Variants in OVCH2 observed in about 807,000 individuals in gnomAD.
OVCH2 encodes ovochymase 2.
A neutral mutation model predicts 73.7 loss-of-function variants in OVCH2; 88 were observed. That is an observed-to-expected ratio of 1.19 (90% CI 1.01 to 1.43). The LOEUF is 1.43. Ranked by LOEUF, OVCH2 falls within the 40% of genes most tolerant of loss-of-function variation. The pLI is 0.00. For missense variants in OVCH2, 706 were observed against 674.5 expected (o/e 1.05, Z -0.52); for synonymous variants, 265 against 234.5 (o/e 1.13, Z -1.19).
chr11:7,696,512 C>A lies in OVCH2; in HGVS notation c.1094G>T (p.Cys365Phe). 1 of 1,613,974 alleles carries A rather than the reference C, an allele frequency of 6.2e-7. No homozygotes were observed. The highest frequency in any genetic ancestry group is 1.7e-5 in the Admixed American group (1 of 60,016). Residue 365 changes from cysteine to phenylalanine, a missense_variant, in exon 10 of 16, where the codon TGT becomes TTT. Coordinates refer to ENST00000533663, the MANE Select transcript of OVCH2 (RefSeq NM_198185.7). ...LSFSHLDVES[C>F]HHSYLSMYSL... The stretch of plus-strand genomic sequence containing the variant: ...ATACATTGACAGGTAACTGTGGTGA[C>A]AAGACTCAACATCTAGGTGGGAAAA...
At chr11:7,698,899 T>A in intron 7 of OVCH2, 126 bp from the exon 8 acceptor site, 2 of 977,772 alleles carry the variant, frequency 2.0e-6, no homozygotes, top group Non-Finnish European at 3.0e-6. Flanking sequence ...AAATCTTATC[T>A]GTGGAAAGAA....
At chr11:7,690,078 G>C in intron 14 of OVCH2, 65 bp from the exon 15 acceptor site, 2 of 1,167,170 alleles carry the variant, frequency 1.7e-6, no homozygotes, top group Non-Finnish European at 2.4e-6. Context: ...AGATTTATCA[G>C]AAAATGATTT....
rs1190762093 is a variant in OVCH2, at chr11:7,689,996, T to A, written c.1657A>T (p.Ile553Phe). 1.3e-6 allele frequency: 2 copies of A among 1,523,332 alleles called. No homozygotes were observed. The highest frequency in any genetic ancestry group is 2.4e-5 in the South Asian group (2 of 83,838). 94.4% of individuals were successfully genotyped at this position (1,523,332 alleles called of 1,614,324 possible). The change falls in exon 15 of 16, where the codon ATC (isoleucine) becomes TTC (phenylalanine). Residue 553 changes from isoleucine to phenylalanine, a missense_variant. Ile to Phe is a conservative substitution (Grantham distance 21, BLOSUM62 0). Transcript: ENST00000533663. ...ATTGATTCATCCTCTGATATGGAGA[T>A]GTTTAAATCTGGGTATACTGGGTAT... ...IPKAVYPDLNISISEDESMFL... is the reference protein window; with the variant it reads ...IPKAVYPDLNFSISEDESMFL...
Position 7,691,024 on chromosome 11 carries a change from A to G in OVCH2, c.1639+245T>C, listed in dbSNP as rs117916128. On this transcript the variant is annotated intron_variant, in intron 14 of 15. Transcript: ENST00000533663. ...AAATAACATATCTTTAAACAGAAACACACATAAAACAAGTTTATGTACTGA... is the reference window on the plus strand; with the variant it reads ...AAATAACATATCTTTAAACAGAAACGCACATAAAACAAGTTTATGTACTGA... Among the ~76,000 whole-genome samples, 982 of 152,332 alleles carry G rather than the reference A, an allele frequency of 6.4e-3. 12 individuals are homozygous for G. The highest frequency in any genetic ancestry group is 0.011 in the Non-Finnish European group (762 of 68,018).
chr11:7,694,629 T>TTTC (rs1289662229), intron 12 of OVCH2, among the ~76,000 whole-genome samples: 1 of 25,788 alleles, frequency 3.9e-5, no homozygotes, highest in Non-Finnish European at 8.4e-5. Flanking sequence ...TTTGTTTTGT[T>TTTC]TTGTGTTTTG....
At chr11:7,686,801 T>C (rs974257494), downstream of OVCH2, among the ~76,000 whole-genome samples, 1 of 152,166 alleles carries the variant, frequency 6.6e-6, no homozygotes, top group Non-Finnish European at 1.5e-5. Flanking sequence ...TTGTCTATAG[T>C]GTATCCCTGA....
chr11:7,679,284 GATA>G, the OVCH2 span, among the ~76,000 whole-genome samples: 1 of 152,220 alleles, frequency 6.6e-6, no homozygotes, highest in African/African-American at 2.4e-5. Flanking sequence ...CTTTTTGTAT[GATA>G]ATGAGTTGAC....
intron 8 of OVCH2, among the ~76,000 whole-genome samples, chr11:7,697,564 C>G (rs1856360875): frequency 1.3e-5 from 2 of 152,166 alleles, no homozygotes; most frequent in Admixed American, 1.3e-4. Context: ...AATAGAATTC[C>G]TTGGGTCAGC....
At chr11:7,698,865 T>C in intron 7 of OVCH2, 92 bp from the exon 8 acceptor site, 1 of 1,369,160 alleles carries the variant, frequency 7.3e-7, no homozygotes, top group Non-Finnish European at 1.0e-6. Context: ...ACAAGAGATT[T>C]TTAAGTCAAT....
At chr11:7,691,853 C>G in intron 13 of OVCH2, 49 bp downstream of exon 13, 2 of 1,423,044 alleles carry the variant, frequency 1.4e-6, no homozygotes, top group South Asian at 2.5e-5. Context: ...CATCTCAAGA[C>G]TGGGTCCAAA....
chr11:7,696,846 C>T, intron 8 of OVCH2, 47 bp from the exon 9 acceptor site: 1 of 1,536,738 alleles, frequency 6.5e-7, no homozygotes, highest in Non-Finnish European at 8.8e-7. Context: ...GCCAGTTAAC[C>T]ACAGCAGCCC....
intron 6 of OVCH2, 118 bp downstream of exon 6, chr11:7,701,206 A>T (rs1269337742): frequency 3.1e-6 from 4 of 1,274,746 alleles, no homozygotes; most frequent in Non-Finnish European, 4.2e-6. Context: ...TCTTTATTCT[A>T]CCCCTCCAAT....
At chr11:7,687,505 CCTTT>C (rs978126202), downstream of OVCH2, among the ~76,000 whole-genome samples, 2 of 152,044 alleles carry the variant, frequency 1.3e-5, no homozygotes, top group Non-Finnish European at 2.9e-5. Flanking sequence ...CACTTGGGGA[CCTTT>C]CTTTATGAAA....
chr11:7,700,263 C>T, intron 7 of OVCH2, 33 bp downstream of exon 7: 1 of 1,602,498 alleles, frequency 6.2e-7, no homozygotes, highest in African/African-American at 1.3e-5. Flanking sequence ...AGCAGAATGG[C>T]AGCTTCTTAA....
the OVCH2 span, among the ~76,000 whole-genome samples, chr11:7,679,324 T>A: frequency 6.6e-6 from 1 of 152,228 alleles, no homozygotes; most frequent in Admixed American, 6.5e-5. Context: ...CTGAATAGCC[T>A]CCTGATGGGT....
chr11:7,698,777 G>C lies in OVCH2; in HGVS notation c.902-4C>G. ...CTGGAGCTCTTTCTCCGATTACCTGGGAAAGGAAAAGAAGGATGCAATTGA... is the reference window on the plus strand; with the variant it reads ...CTGGAGCTCTTTCTCCGATTACCTGCGAAAGGAAAAGAAGGATGCAATTGA... On this transcript the variant is annotated splice_polypyrimidine_tract_variant and splice_region_variant and intron_variant, in intron 7 of 15. Coordinates refer to ENST00000533663, the MANE Select transcript of OVCH2 (RefSeq NM_198185.7). 1 of 1,612,704 alleles carries C rather than the reference G, an allele frequency of 6.2e-7. No individual in the cohort carries two copies. Among genetic ancestry groups the C allele is most frequent in the Non-Finnish European group, 8.5e-7 (1 of 1,179,482 alleles).
the OVCH2 span, among the ~76,000 whole-genome samples, chr11:7,682,982 A>G: frequency 3.3e-5 from 5 of 152,186 alleles, no homozygotes; most frequent in Admixed American, 3.3e-4. Flanking sequence ...TCACATTGCT[A>G]AATTTAATGT....
At chr11:7,686,113 C>T (rs10839841), downstream of OVCH2, among the ~76,000 whole-genome samples, 6,828 of 152,206 alleles carry the variant, frequency 0.045, 316 homozygotes, top group African/African-American at 0.11. Context: ...ATACTTACAC[C>T]GAATATACCC....
At chr11:7,695,293 T>C in intron 11 of OVCH2, 105 bp from the exon 12 acceptor site, 2 of 1,318,812 alleles carry the variant, frequency 1.5e-6, no homozygotes, top group Non-Finnish European at 2.0e-6. Context: ...CAATTGCATT[T>C]TCAGACACTG....
Sources: gnomAD v4.1 joint callset for allele counts (sites outside exome capture counted in the v4.1 genomes callset) on GRCh38, gnomAD v4.1.1 for gene constraint, MANE v1.5 for transcripts, NCBI Gene and HGNC (gene_info 2026-07-23, HGNC 2026-07-21) for gene names.